The following NSD2 variants were observed in gnomAD, a reference collection of about 807,000 sequenced individuals.
The protein encoded by NSD2 is nuclear receptor binding SET domain protein 2.
A neutral mutation model predicts 139.0 loss-of-function variants in NSD2; 12 were observed. The observed-to-expected ratio is 0.09, with a 90% CI of 0.06 to 0.14. The LOEUF (loss-of-function observed/expected upper bound fraction) is 0.14. NSD2 is among the 10% of genes least tolerant of loss of function. The pLI, the probability that NSD2 is intolerant of heterozygous loss-of-function variation, is 1.00. For synonymous variants in NSD2, 669 were observed against 648.7 expected (o/e 1.03, Z -0.48); for missense variants, 1,155 against 1,745.0 (o/e 0.66, Z 6.02).
chr4:1,933,512 C>A (rs917119030), intron 6 of NSD2, among the ~76,000 whole-genome samples: 3 of 152,192 alleles, frequency 2.0e-5, no homozygotes, highest in Non-Finnish European at 4.4e-5. Context: ...ACCTCAGCCT[C>A]CCGAGTAGCT....
chr4:1,886,190 C>CT (rs1715067141), intron 1 of NSD2, among the ~76,000 whole-genome samples: 1 of 152,146 alleles, frequency 6.6e-6, no homozygotes, highest in Admixed American at 6.6e-5. Context: ...AACCTCTGCT[C>CT]TTTCAGCTGT....
At chr4:1,944,432 C>T in intron 9 of NSD2, 1 of 1,064,918 alleles carries the variant, frequency 9.4e-7, no homozygotes, top group Non-Finnish European at 1.1e-6. Context: ...ATTTGAATTG[C>T]CGGTTGTTGA....
chr4:1,938,387 C>CTTT, intron 7 of NSD2, 64 bp from the exon 8 acceptor site: 2 of 1,092,328 alleles, frequency 1.8e-6, no homozygotes, highest in South Asian at 2.7e-5. Context: ...CTTTTTTTTT[C>CTTT]CTTTTTTTCT....
At chr4:1,900,098 G>C (rs1398298787) in intron 1 of NSD2, among the ~76,000 whole-genome samples, 1 of 152,166 alleles carries the variant, frequency 6.6e-6, no homozygotes, top group South Asian at 2.1e-4. Context: ...TGCTGACCAG[G>C]TCATCTTGGG....
At chr4:1,920,515 A>C (rs1719975522) in intron 5 of NSD2, among the ~76,000 whole-genome samples, 1 of 152,208 alleles carries the variant, frequency 6.6e-6, no homozygotes. Context: ...CCATAGAGGG[A>C]GAAAAGGCAT....
In NSD2 at chr4:1,871,560, C is replaced by A. The variant is rs1285962468; in HGVS notation, c.-30+18C>A. The A allele has an allele frequency of 1.3e-5, 2 of 151,328 alleles. No individual in the cohort carries two copies. Among genetic ancestry groups the A allele is most frequent in the African/African-American group, 2.4e-5 (1 of 41,312 alleles). The allele number at this position is 151,328 out of a possible 1,614,324, so 9.4% of individuals were successfully genotyped here. A position where few individuals can be genotyped will look rare whatever the true frequency, so the allele number is the denominator to read the frequency against. On this transcript the variant is annotated intron_variant, in intron 1 of 21. Transcript: ENST00000508803. Reference sequence around the variant, plus strand: ...CACCGCAGGTCACTGGGGCGCCCGCCCAACAGTCGCGGGCCGCCAACCGCC... The same window carrying A: ...CACCGCAGGTCACTGGGGCGCCCGCACAACAGTCGCGGGCCGCCAACCGCC...
rs1176643433 is a variant in NSD2 at position 1,979,703 on chromosome 4, G to A, written c.*794G>A. On this transcript the variant is annotated 3_prime_UTR_variant, in exon 22 of 22. Coordinates refer to ENST00000508803, the MANE Select transcript of NSD2 (RefSeq NM_001042424.3). ...CGCTAGGTTCTTATCAACATTTGGG[G>A]GATAACTTTGTATATTTTTTTCATT... 2.2e-5 allele frequency: 5 copies of A among 232,124 alleles called. No individual in the cohort carries two copies. The highest frequency in any genetic ancestry group is 4.3e-5 in the Non-Finnish European group (5 of 117,460). 14.4% of individuals were successfully genotyped at this position (232,124 alleles called of 1,614,324 possible).
At chr4:1,941,641 C>T in intron 9 of NSD2, 1 of 1,037,538 alleles carries the variant, frequency 9.6e-7, no homozygotes, top group Non-Finnish European at 1.2e-6. Flanking sequence ...CACCTTCCTA[C>T]ATTTTGAAGG....
chr4:1,939,458 G>A (rs1722848312), intron 8 of NSD2, 196 bp from the exon 9 acceptor site: 3 of 631,100 alleles, frequency 4.8e-6, no homozygotes, highest in Non-Finnish European at 8.1e-6. Context: ...AAGTAGCGAG[G>A]ACATGGGGTT....
In NSD2 at chr4:1,939,634, A is replaced by G. The variant is rs1302488820; in HGVS notation, c.1757-20A>G. The G allele has an allele frequency of 6.2e-7, 1 of 1,613,394 alleles. No individual in the cohort carries two copies. The highest frequency in any genetic ancestry group is 8.5e-7 in the Non-Finnish European group (1 of 1,179,426). ...AAGGGTTTATGATTTGAAACTTTAC[A>G]AACCAAAATTATTTTACAGCAACGA... On this transcript the variant is annotated intron_variant, in intron 8 of 21. Coordinates refer to ENST00000508803, the MANE Select transcript of NSD2 (RefSeq NM_001042424.3).
intron 9 of NSD2, chr4:1,939,988 C>G (rs541272408): frequency 3.5e-6 from 5 of 1,422,296 alleles, no homozygotes; most frequent in South Asian, 3.0e-5. Flanking sequence ...TTTATACACA[C>G]GCACACAGTG....
intron 1 of NSD2, among the ~76,000 whole-genome samples, chr4:1,894,873 C>G (rs933321166): frequency 9.2e-5 from 14 of 152,066 alleles, no homozygotes; most frequent in African/African-American, 3.4e-4. Flanking sequence ...GTTATACAAC[C>G]ATGACACTGT....
chr4:1,904,822 G>A (rs1212446551), intron 3 of NSD2, among the ~76,000 whole-genome samples: 3 of 152,040 alleles, frequency 2.0e-5, no homozygotes, highest in African/African-American at 2.4e-5. Flanking sequence ...TACATGGAGC[G>A]GCTGATGTAA....
At chr4:1,924,876 A>G (rs1720650266) in intron 5 of NSD2, among the ~76,000 whole-genome samples, 2 of 152,186 alleles carry the variant, frequency 1.3e-5, no homozygotes, top group African/African-American at 4.8e-5. Context: ...GCAGTGAGCC[A>G]TCATTGCGCC....
At chr4:1,905,935 C>T (rs1717837693) in intron 3 of NSD2, among the ~76,000 whole-genome samples, 1 of 152,174 alleles carries the variant, frequency 6.6e-6, no homozygotes, top group Admixed American at 6.5e-5. Context: ...GCTGTCTCCC[C>T]TTTGTCTGAG....
intron 1 of NSD2, among the ~76,000 whole-genome samples, chr4:1,886,646 G>A (rs1028146402): frequency 5.9e-5 from 9 of 151,992 alleles, no homozygotes; most frequent in East Asian, 1.9e-4. Context: ...CCTAGCCAAC[G>A]TGGTGGAACC....
chr4:1,974,509 C>T lies in NSD2; in HGVS notation c.3373-354C>T, dbSNP rs1726852841. ...GATTACAGGCGTGAGCCACTGCGCC[C>T]AGCCAGGGTGAGTCTTGTTCTTGTC... On this transcript the variant is annotated intron_variant, in intron 18 of 21. Coordinates refer to ENST00000508803, the MANE Select transcript of NSD2 (RefSeq NM_001042424.3). The surrounding 1 kb of genome is among the most constrained non-coding windows in gnomAD (Gnocchi z 4.0). 5.1e-6 allele frequency: 2 copies of T among 394,428 alleles called. No homozygotes were observed. The highest frequency in any genetic ancestry group is 4.1e-5 in the African/African-American group (2 of 49,054). The allele number at this position is 394,428 out of a possible 1,614,324, so 24.4% of individuals were successfully genotyped here.
intron 1 of NSD2, among the ~76,000 whole-genome samples, chr4:1,874,400 T>C (rs147488709): frequency 2.2e-4 from 33 of 152,334 alleles, no homozygotes; most frequent in Non-Finnish European, 4.4e-4. Context: ...TAATGGCCAC[T>C]TGTGACCTTT....
intron 18 of NSD2, among the ~76,000 whole-genome samples, chr4:1,966,633 G>A (rs1725916236): frequency 6.6e-6 from 1 of 150,884 alleles, no homozygotes; most frequent in Non-Finnish European, 1.5e-5. Context: ...CTCCAGCCTG[G>A]GTGACAGAGC....
Sources: allele counts gnomAD v4.1 joint callset (sites outside exome capture counted in the v4.1 genomes callset), GRCh38; gene constraint gnomAD v4.1.1; non-coding constraint Gnocchi (gnomAD v3.1); transcripts MANE v1.5; gene names NCBI Gene and HGNC (gene_info 2026-07-23, HGNC 2026-07-21).